Variants in CEP83 observed in about 807,000 individuals in gnomAD.
The protein encoded by CEP83 is centrosomal protein 83, also known as centrosomal protein of 83 kDa.
Under a neutral mutation model 101.9 loss-of-function variants are expected in CEP83, and 70 were observed. That is an observed-to-expected ratio of 0.69 (90% confidence interval 0.57 to 0.84). CEP83 has a LOEUF of 0.84. Ranked by LOEUF, CEP83 falls within the 40% of genes least tolerant of loss-of-function variation. CEP83 has a pLI of 0.00. For synonymous variants in CEP83, 264 were observed against 267.9 expected (o/e 0.99, Z 0.14); for missense variants, 715 against 787.2 (o/e 0.91, Z 1.10).
At chr12:94,312,532 C>T (rs1039662777) in intron 15 of CEP83, 6 of 978,536 alleles carry the variant, frequency 6.1e-6, no homozygotes, top group Non-Finnish European at 7.3e-6. Flanking sequence ...CCCGAAACTA[C>T]AGCTCAATAA....
the CEP83 span, among the ~76,000 whole-genome samples, chr12:94,265,680 G>A: frequency 0.033 from 5,092 of 152,218 alleles, 166 homozygotes; most frequent in African/African-American, 0.087. Flanking sequence ...GCAACGTGAC[G>A]CCCTTTATTT....
At chr12:94,338,137 G>A (rs2059529382) in intron 11 of CEP83, among the ~76,000 whole-genome samples, 1 of 152,178 alleles carries the variant, frequency 6.6e-6, no homozygotes, top group African/African-American at 2.4e-5. Context: ...GAAGCGTCTA[G>A]GTGTACAAGA....
At chr12:94,348,356 A>G (rs566476336) in intron 11 of CEP83, among the ~76,000 whole-genome samples, 8 of 152,180 alleles carry the variant, frequency 5.3e-5, no homozygotes, top group African/African-American at 1.9e-4. Context: ...AAAGAACTCA[A>G]TGTCAACCAT....
At chr12:94,404,959 A>G (rs999169325) in intron 4 of CEP83, among the ~76,000 whole-genome samples, 3 of 152,198 alleles carry the variant, frequency 2.0e-5, no homozygotes, top group Admixed American at 6.5e-5. Flanking sequence ...TGACACTACC[A>G]TATCTATATT....
chr12:94,272,844 C>G, the CEP83 span, among the ~76,000 whole-genome samples: 3 of 152,198 alleles, frequency 2.0e-5, no homozygotes, highest in Non-Finnish European at 4.4e-5. Flanking sequence ...CTGTGGGGTT[C>G]AATATCAAGC....
the CEP83 span, among the ~76,000 whole-genome samples, chr12:94,271,043 C>T: frequency 6.6e-6 from 1 of 152,200 alleles, no homozygotes; most frequent in South Asian, 2.1e-4. Flanking sequence ...CCTCATGCTG[C>T]TTCTACGGAA....
At position 94,332,359 on chromosome 12, in the gene CEP83, C is replaced by T. The variant is rs564898875; in HGVS notation, c.1578-530G>A. 9.2e-5 allele frequency among the ~76,000 whole-genome samples: 14 copies of T among 152,098 alleles called. No homozygotes were observed. In the South Asian group the frequency reaches 2.7e-3, roughly 29 times the overall value. On this transcript the variant is annotated intron_variant, in intron 13 of 16. Transcript: ENST00000397809. Reference sequence around the variant, plus strand: ...TATATTTTTAAAGCTATTCTGCATACTTTATATGATTTTTTTAGTATTCTT... The same window carrying T: ...TATATTTTTAAAGCTATTCTGCATATTTTATATGATTTTTTTAGTATTCTT...
intron 11 of CEP83, among the ~76,000 whole-genome samples, chr12:94,344,983 A>G (rs2059864067): frequency 6.6e-6 from 1 of 152,204 alleles, no homozygotes; most frequent in Admixed American, 6.5e-5. Flanking sequence ...AGTAAAATAG[A>G]ATAGAGTCCA....
intron 11 of CEP83, among the ~76,000 whole-genome samples, chr12:94,337,265 T>C (rs561701010): frequency 6.6e-6 from 1 of 151,948 alleles, no homozygotes; most frequent in African/African-American, 2.4e-5. Context: ...TATGAAAGGA[T>C]GGGGAAAACA....
chr12:94,459,335 G>A (rs975638313), intron 1 of CEP83, among the ~76,000 whole-genome samples: 1 of 152,120 alleles, frequency 6.6e-6, no homozygotes, highest in Non-Finnish European at 1.5e-5. Context: ...GTACTTAAAC[G>A]TCTGGCCAAT....
At chr12:94,317,281 T>C (rs1752892159) in intron 14 of CEP83, among the ~76,000 whole-genome samples, 1 of 152,058 alleles carries the variant, frequency 6.6e-6, no homozygotes. Flanking sequence ...ATCCTGTAAA[T>C]TTAAGTTCTT....
the CEP83 span, among the ~76,000 whole-genome samples, chr12:94,295,341 C>T: frequency 6.6e-6 from 1 of 152,202 alleles, no homozygotes; most frequent in Non-Finnish European, 1.5e-5. Flanking sequence ...AACCCACCTT[C>T]CATCACTATA....
intron 11 of CEP83, among the ~76,000 whole-genome samples, chr12:94,363,939 C>T (rs1285242012): frequency 3.6e-5 from 5 of 140,280 alleles, no homozygotes; most frequent in Admixed American, 7.4e-5. Flanking sequence ...CAGAGTGAGA[C>T]GCTGTCTCAA....
intron 1 of CEP83, among the ~76,000 whole-genome samples, chr12:94,448,948 G>A (rs1291507297): frequency 1.4e-5 from 2 of 147,526 alleles, no homozygotes; most frequent in Non-Finnish European, 3.0e-5. Context: ...GTGGAAATCA[G>A]TGAAATAGAA....
intron 14 of CEP83, among the ~76,000 whole-genome samples, chr12:94,319,241 G>A (rs1971216760): frequency 6.6e-6 from 1 of 152,048 alleles, no homozygotes; most frequent in Non-Finnish European, 1.5e-5. Context: ...ATTTCTGTGG[G>A]GTCAGTGGTA....
intron 11 of CEP83, 141 bp from the exon 12 acceptor site, chr12:94,335,805 G>A: frequency 1.6e-6 from 1 of 634,354 alleles, no homozygotes; most frequent in Non-Finnish European, 2.8e-6. Context: ...AAGAAACTAG[G>A]TTGTGTTCAC....
At chr12:94,296,485 T>G in the CEP83 span, among the ~76,000 whole-genome samples, 1 of 152,160 alleles carries the variant, frequency 6.6e-6, no homozygotes, top group African/African-American at 2.4e-5. Context: ...ACAAACCAAA[T>G]GCCTTACTTC....
At chr12:94,403,630 G>C (rs2063376237) in intron 4 of CEP83, among the ~76,000 whole-genome samples, 2 of 152,074 alleles carry the variant, frequency 1.3e-5, no homozygotes, top group African/African-American at 4.8e-5. Context: ...ATACCAAAGA[G>C]AACCTTTCAG....
chr12:94,363,298 T>C (rs1365747763), intron 11 of CEP83, among the ~76,000 whole-genome samples: 2 of 152,218 alleles, frequency 1.3e-5, no homozygotes, highest in Non-Finnish European at 2.9e-5. Context: ...CCTGTAAACA[T>C]GTACAATTGT....
Sources: gnomAD v4.1 joint callset for allele counts (sites outside exome capture counted in the v4.1 genomes callset) on GRCh38, gnomAD v4.1.1 for gene constraint, MANE v1.5 for transcripts, NCBI Gene and HGNC (gene_info 2026-07-23, HGNC 2026-07-21) for gene names.